The following WWOX variants were observed in gnomAD, a reference collection of about 807,000 sequenced individuals.
WWOX encodes WW domain-containing oxidoreductase.
WWOX carries 69 observed loss-of-function variants against 46.2 expected under a neutral mutation model. The observed-to-expected ratio is 1.49, with a 90% CI of 1.23 to 1.82. WWOX has a LOEUF of 1.82. Among genes scored for constraint, WWOX ranks in the 40% most tolerant of loss-of-function variants. The probability of loss-of-function intolerance (pLI) is 0.00; values close to 1 mark genes in which losing one functional copy is unlikely to be tolerated. For synonymous variants in WWOX, 359 were observed against 202.6 expected, an observed-to-expected ratio of 1.77 and a Z score of -6.56; for missense variants, 919 against 542.6, an observed-to-expected ratio of 1.69 and a Z score of -6.89.
intron 5 of WWOX, among the ~76,000 whole-genome samples, chr16:78,343,504 A>T (rs766910468): frequency 2.5e-5 from 3 of 120,640 alleles, no homozygotes; most frequent in African/African-American, 5.6e-5. Context: ...ATGTAAGGTG[A>T]TGCTCTGAGC....
intron 8 of WWOX, among the ~76,000 whole-genome samples, chr16:79,010,177 A>G (rs2047275151): frequency 6.6e-6 from 1 of 152,172 alleles, no homozygotes; most frequent in African/African-American, 2.4e-5. Flanking sequence ...GTGTTTATTT[A>G]CAAGGCTGGC....
chr16:78,627,423 G>T (rs1010106959), intron 8 of WWOX, among the ~76,000 whole-genome samples: 3 of 152,166 alleles, frequency 2.0e-5, no homozygotes, highest in Non-Finnish European at 4.4e-5. Context: ...CATAGTTTAT[G>T]ACAAGGGGTT....
intron 5 of WWOX, among the ~76,000 whole-genome samples, chr16:78,385,965 C>G (rs371962038): frequency 1.3e-5 from 2 of 152,164 alleles, no homozygotes; most frequent in African/African-American, 4.8e-5. Context: ...AGGGGCAACC[C>G]GGAGATTTGT....
chr16:79,171,437 T>A (rs1384761832), intron 8 of WWOX, among the ~76,000 whole-genome samples: 2 of 152,152 alleles, frequency 1.3e-5, no homozygotes, highest in Non-Finnish European at 2.9e-5. Flanking sequence ...AAAACAGTGG[T>A]TGGTGGTTTA....
intron 8 of WWOX, among the ~76,000 whole-genome samples, chr16:78,558,212 C>G (rs183926760): frequency 6.6e-6 from 1 of 152,328 alleles, no homozygotes; most frequent in African/African-American, 2.4e-5. Flanking sequence ...TGTTTTTGCC[C>G]TTCCGATCCC....
intron 8 of WWOX, among the ~76,000 whole-genome samples, chr16:79,081,195 G>C (rs916068134): frequency 5.3e-5 from 8 of 152,148 alleles, no homozygotes; most frequent in African/African-American, 1.7e-4. Context: ...ACAAAGTCTT[G>C]ATCTGTTGCC....
intron 8 of WWOX, chr16:78,526,581 T>G (rs969404062): frequency 6.6e-6 from 1 of 152,108 alleles, no homozygotes; most frequent in Non-Finnish European, 1.5e-5. Flanking sequence ...TCCCCCAGAT[T>G]GGATCCTCTG....
At chr16:78,760,877 A>C (rs1377402533) in intron 8 of WWOX, among the ~76,000 whole-genome samples, 2 of 152,236 alleles carry the variant, frequency 1.3e-5, no homozygotes, top group African/African-American at 2.4e-5. Context: ...GAGGCCTCAC[A>C]ATCATAATGG....
intron 8 of WWOX, chr16:78,551,339 A>G (rs2044167961): frequency 6.6e-6 from 1 of 152,168 alleles, no homozygotes. Context: ...AATTTTCCCA[A>G]GAAAGGAGGA....
At chr16:78,112,026 T>C (rs2032520703) in intron 3 of WWOX, 1 of 152,594 alleles carries the variant, frequency 6.6e-6, no homozygotes, top group Non-Finnish European at 1.5e-5. Flanking sequence ...TCTCCACATC[T>C]TGGTGGTAGT....
chr16:78,956,616 GTCATA>G (rs138587691), intron 8 of WWOX, among the ~76,000 whole-genome samples: 26 of 151,438 alleles, frequency 1.7e-4, no homozygotes, highest in Admixed American at 3.9e-4. Flanking sequence ...ATCATATCAT[GTCATA>G]TCATATCATA....
chr16:78,750,941 G>C (rs2049461926), intron 8 of WWOX, among the ~76,000 whole-genome samples: 1 of 152,126 alleles, frequency 6.6e-6, no homozygotes, highest in South Asian at 2.1e-4. Flanking sequence ...TGTGGGTAGT[G>C]CTGCCAAGAA....
At chr16:79,147,292 G>C (rs1262020116) in intron 8 of WWOX, among the ~76,000 whole-genome samples, 1 of 152,088 alleles carries the variant, frequency 6.6e-6, no homozygotes, top group Non-Finnish European at 1.5e-5. Context: ...CCACTAAACT[G>C]TTCTCCACTT....
chr16:78,508,917 T>C (rs2085286228), intron 8 of WWOX, among the ~76,000 whole-genome samples: 2 of 152,260 alleles, frequency 1.3e-5, no homozygotes, highest in South Asian at 4.1e-4. Flanking sequence ...TGCTGTTACA[T>C]CTGCATCATG....
intron 8 of WWOX, among the ~76,000 whole-genome samples, chr16:79,124,479 G>C (rs1010509051): frequency 6.6e-6 from 1 of 152,182 alleles, no homozygotes; most frequent in African/African-American, 2.4e-5. Flanking sequence ...GGGTGGTGTG[G>C]CACAAAGGCG....
intron 8 of WWOX, among the ~76,000 whole-genome samples, chr16:79,052,169 C>T (rs1259370578): frequency 6.6e-6 from 1 of 152,032 alleles, no homozygotes; most frequent in Non-Finnish European, 1.5e-5. Flanking sequence ...AGGTATATCT[C>T]CCAATGCTAT....
At chr16:78,513,494 T>G (rs2085413296) in intron 8 of WWOX, among the ~76,000 whole-genome samples, 2 of 152,214 alleles carry the variant, frequency 1.3e-5, no homozygotes, top group Non-Finnish European at 1.5e-5. Flanking sequence ...TTCATGTATC[T>G]TACTGTATGA....
chr16:78,285,885 T>C (rs1434798916), intron 5 of WWOX, among the ~76,000 whole-genome samples: 1 of 152,150 alleles, frequency 6.6e-6, no homozygotes, highest in Non-Finnish European at 1.5e-5. Context: ...CCCAGGATAG[T>C]ATCTTGTAAA....
chr16:79,211,553 A>T, intron 8 of WWOX, 55 bp from the exon 9 acceptor site: 1 of 1,580,114 alleles, frequency 6.3e-7, no homozygotes, highest in Non-Finnish European at 8.7e-7. Context: ...AAATGACGCC[A>T]TCTCATCACT....
Sources: gnomAD v4.1 joint callset for allele counts (sites outside exome capture counted in the v4.1 genomes callset) on GRCh38, gnomAD v4.1.1 for gene constraint, MANE v1.5 for transcripts, NCBI Gene and HGNC (gene_info 2026-07-23, HGNC 2026-07-21) for gene names.